Variants in NRXN3 observed in about 807,000 individuals in gnomAD.
NRXN3 encodes neurexin III.
Under a neutral mutation model 137.6 loss-of-function variants are expected in NRXN3, and 32 were observed. The observed-to-expected ratio is 0.23, with a 90% confidence interval of 0.18 to 0.31. The LOEUF is 0.31. Among genes scored for constraint, NRXN3 ranks in the 10% least tolerant of loss-of-function variants. The probability of loss-of-function intolerance (pLI) is 1.00; values close to 1 mark genes in which losing one functional copy is unlikely to be tolerated. For synonymous variants in NRXN3, 798 were observed against 784.5 expected (o/e 1.02, Z -0.29); for missense variants, 1,574 against 2,062.5 (o/e 0.76, Z 4.59).
At chr14:79,560,368 G>C (rs1247691610) in intron 16 of NRXN3, among the ~76,000 whole-genome samples, 1 of 151,886 alleles carries the variant, frequency 6.6e-6, no homozygotes, top group Admixed American at 6.6e-5. Flanking sequence ...CTCTATCAAA[G>C]TACAAATTCT....
rs1312024730 is a variant in NRXN3 at position 78,244,622 on chromosome 14, A to G, written c.709+820A>G. Among the ~76,000 whole-genome samples, 3 of 151,804 alleles carry G rather than the reference A, an allele frequency of 2.0e-5. No individual in the cohort carries two copies. The South Asian group carries it at 6.3e-4, about 32-fold the overall frequency. ...CTATTGGGGCCCACCCCACCTCCCA[A>G]CCCTCTGGGAGGTGTCTAGAAGGTG... On this transcript the variant is annotated intron_variant, in intron 2 of 20. Transcript: ENST00000335750.
chr14:78,498,416 A>C (rs953042166), intron 4 of NRXN3, among the ~76,000 whole-genome samples: 1 of 152,156 alleles, frequency 6.6e-6, no homozygotes, highest in African/African-American at 2.4e-5. Flanking sequence ...CTCCATCCTG[A>C]TATGCAGGCC....
chr14:79,717,354 A>T (rs1181317486), intron 19 of NRXN3, among the ~76,000 whole-genome samples: 1 of 152,190 alleles, frequency 6.6e-6, no homozygotes, highest in Non-Finnish European at 1.5e-5. Flanking sequence ...GGCCCAACCA[A>T]CTTGAAAATG....
At chr14:79,252,221 T>C (rs1005878892) in intron 15 of NRXN3, among the ~76,000 whole-genome samples, 1 of 152,196 alleles carries the variant, frequency 6.6e-6, no homozygotes, top group African/African-American at 2.4e-5. Flanking sequence ...GTCAAGGTGA[T>C]TGGCATAACA....
At chr14:78,625,208 G>T (rs1437333003) in intron 4 of NRXN3, among the ~76,000 whole-genome samples, 1 of 152,172 alleles carries the variant, frequency 6.6e-6, no homozygotes, top group Admixed American at 6.5e-5. Flanking sequence ...TAGTTATGAA[G>T]AATACATTTT....
At chr14:79,001,831 A>G (rs1026684156) in intron 15 of NRXN3, among the ~76,000 whole-genome samples, 2 of 152,204 alleles carry the variant, frequency 1.3e-5, no homozygotes, top group African/African-American at 2.4e-5. Flanking sequence ...AAGTCTCACA[A>G]CAGTCTCAGC....
At chr14:78,823,012 A>G (rs1348975606) in intron 10 of NRXN3, among the ~76,000 whole-genome samples, 1 of 152,156 alleles carries the variant, frequency 6.6e-6, no homozygotes, top group African/African-American at 2.4e-5. Flanking sequence ...CTATAGGCAT[A>G]TTAGTGCCCC....
intron 16 of NRXN3, among the ~76,000 whole-genome samples, chr14:79,541,624 T>A (rs893204344): frequency 3.3e-5 from 5 of 152,170 alleles, no homozygotes; most frequent in Non-Finnish European, 7.3e-5. Flanking sequence ...GGGCAAGGTC[T>A]CCCAGACACT....
At chr14:79,467,529 C>A in intron 16 of NRXN3, 127 bp downstream of exon 16, 1 of 801,150 alleles carries the variant, frequency 1.2e-6, no homozygotes, top group Non-Finnish European at 1.8e-6. Context: ...AAATTGTTTT[C>A]AGATGTGAAC....
chr14:79,426,023 T>C (rs1268495013), intron 15 of NRXN3, among the ~76,000 whole-genome samples: 1 of 147,862 alleles, frequency 6.8e-6, no homozygotes, highest in African/African-American at 2.5e-5. Context: ...GAGAGAGAAA[T>C]AGATTCATAT....
At chr14:78,186,656 CT>C (rs1374643155) in intron 1 of NRXN3, among the ~76,000 whole-genome samples, 1 of 152,172 alleles carries the variant, frequency 6.6e-6, no homozygotes, top group Non-Finnish European at 1.5e-5. Context: ...ACGTAGAAGC[CT>C]TTTTAATAGG....
chr14:79,472,839 G>T (rs942212927), intron 16 of NRXN3, among the ~76,000 whole-genome samples: 3 of 152,156 alleles, frequency 2.0e-5, no homozygotes, highest in African/African-American at 7.2e-5. Context: ...TGAAGTGCTT[G>T]TTATTACTAT....
At chr14:78,482,832 C>G (rs1379814650) in intron 4 of NRXN3, among the ~76,000 whole-genome samples, 5 of 151,924 alleles carry the variant, frequency 3.3e-5, no homozygotes, top group Non-Finnish European at 7.4e-5. Context: ...TCAGCATTAC[C>G]CCCTCACTCC....
At chr14:79,585,344 G>C (rs1196564089) in intron 16 of NRXN3, among the ~76,000 whole-genome samples, 1 of 152,140 alleles carries the variant, frequency 6.6e-6, no homozygotes, top group African/African-American at 2.4e-5. Flanking sequence ...CCACTTGTTT[G>C]GAAGGATAGA....
chr14:79,010,157 A>AT (rs2099568614), intron 15 of NRXN3, among the ~76,000 whole-genome samples: 2 of 152,154 alleles, frequency 1.3e-5, no homozygotes, highest in South Asian at 2.1e-4. Context: ...TAAATATTTC[A>AT]TTTTTTAGCC....
At chr14:79,681,413 G>A (rs1341244862) in intron 17 of NRXN3, among the ~76,000 whole-genome samples, 1 of 152,080 alleles carries the variant, frequency 6.6e-6, no homozygotes, top group African/African-American at 2.4e-5. Context: ...TCTCTTCTGG[G>A]TTGGCTTGGA....
intron 2 of NRXN3, among the ~76,000 whole-genome samples, chr14:78,263,725 CT>C (rs939075693): frequency 1.3e-5 from 2 of 152,136 alleles, no homozygotes; most frequent in Admixed American, 6.5e-5. Context: ...TGTGAATGTT[CT>C]TTTGTGGCCA....
At chr14:79,156,861 A>G (rs762260917) in intron 15 of NRXN3, among the ~76,000 whole-genome samples, 21 of 151,812 alleles carry the variant, frequency 1.4e-4, no homozygotes, top group Non-Finnish European at 2.8e-4. Context: ...CACTGCTGAC[A>G]TAGTGGGTCA....
intron 10 of NRXN3, among the ~76,000 whole-genome samples, chr14:78,952,749 C>T (rs1227625838): frequency 6.6e-6 from 1 of 152,030 alleles, no homozygotes; most frequent in Non-Finnish European, 1.5e-5. Flanking sequence ...TCATGTGAAA[C>T]ATAGTTTGAA....
Sources: allele counts gnomAD v4.1 joint callset (sites outside exome capture counted in the v4.1 genomes callset), GRCh38; gene constraint gnomAD v4.1.1; transcripts MANE v1.5; gene names NCBI Gene and HGNC (gene_info 2026-07-23, HGNC 2026-07-21).